SPAG9: variants seen among roughly 807,000 people sequenced by gnomAD.
SPAG9 encodes the protein sperm associated antigen 9.
In SPAG9, 35 loss-of-function variants were observed where a neutral mutation model predicts 166.5. The ratio of observed to expected loss-of-function variants is 0.21; its 90% CI spans 0.16 to 0.28. The LOEUF (loss-of-function observed/expected upper bound fraction) is 0.28, where lower values mean the gene tolerates loss of function less well. SPAG9 is among the 10% of genes least tolerant of loss of function. SPAG9 has a pLI of 1.00. For synonymous variants in SPAG9, 534 were observed against 565.5 expected (o/e 0.94, Z 0.79); for missense variants, 1,235 against 1,603.3 (o/e 0.77, Z 3.92).
chr17:51,060,504 TTAAAA>T (rs1279274244), intron 2 of SPAG9, among the ~76,000 whole-genome samples: 1 of 138,042 alleles, frequency 7.2e-6, no homozygotes, highest in Non-Finnish European at 1.5e-5. Flanking sequence ...CTTTGTCTTT[TTAAAA>T]AAAAAAAAAA....
At chr17:50,996,742 G>A (rs1489340316) in intron 15 of SPAG9, 48 bp from the exon 16 acceptor site, 19 of 1,588,902 alleles carry the variant, frequency 1.2e-5, no homozygotes, top group East Asian at 2.2e-5. Flanking sequence ...GTTTAATTAC[G>A]TTTATCCCCA....
intron 2 of SPAG9, among the ~76,000 whole-genome samples, chr17:51,074,063 C>T (rs900369900): frequency 2.6e-5 from 4 of 152,070 alleles, no homozygotes; most frequent in Admixed American, 6.6e-5. Flanking sequence ...GGTGAAACCC[C>T]GTCTCTACTA....
At chr17:51,111,726 C>T (rs1028224220) in intron 1 of SPAG9, among the ~76,000 whole-genome samples, 4 of 152,218 alleles carry the variant, frequency 2.6e-5, no homozygotes, top group Admixed American at 1.3e-4. Flanking sequence ...CCTCTGCCTC[C>T]GGAGTAGCTT....
At chr17:51,050,362 T>C (rs746980622) in intron 3 of SPAG9, among the ~76,000 whole-genome samples, 2 of 152,222 alleles carry the variant, frequency 1.3e-5, no homozygotes, top group Non-Finnish European at 2.9e-5. Flanking sequence ...AGCCATTTTT[T>C]CTCCATTTAA....
intron 1 of SPAG9, among the ~76,000 whole-genome samples, chr17:51,080,384 C>A (rs1488066284): frequency 6.6e-6 from 1 of 151,820 alleles, no homozygotes; most frequent in Non-Finnish European, 1.5e-5. Context: ...CCTTTTCTCC[C>A]CAACTTCTTA....
rs768131495 is a variant in SPAG9, at chr17:50,989,794, G to A, written c.2696C>T (p.Ala899Val). ...EEATEATEGNAGSAEDTVDIS... is the reference protein window; with the variant it reads ...EEATEATEGNVGSAEDTVDIS... ...GTCCACTGTGTCTTCAGCTGACCCCGCATTCCCTTCTGTAGCTTCAGTTGC... is the reference window on the plus strand; with the variant it reads ...GTCCACTGTGTCTTCAGCTGACCCCACATTCCCTTCTGTAGCTTCAGTTGC... The change falls in exon 21 of 30, where the codon GCG (alanine) becomes GTG (valine). Residue 899 changes from alanine (A) to valine (V), a missense_variant. Around this residue, in one of 6 missense-constraint regions of SPAG9, gnomAD observed 493 missense variants for 559.4 expected, o/e 0.88. Transcript: ENST00000262013. The A allele has an allele frequency of 1.1e-5, 18 of 1,613,872 alleles. No homozygotes were observed. The highest frequency in any genetic ancestry group is 1.7e-5 in the Admixed American group (1 of 59,978).
At chr17:51,075,463 T>C (rs958528498) in intron 2 of SPAG9, among the ~76,000 whole-genome samples, 5 of 152,124 alleles carry the variant, frequency 3.3e-5, no homozygotes, top group Admixed American at 3.3e-4. Flanking sequence ...TAATTCTTCC[T>C]CTAATCACAG....
At chr17:50,984,241 T>C (rs979322656) in intron 24 of SPAG9, among the ~76,000 whole-genome samples, 2 of 152,174 alleles carry the variant, frequency 1.3e-5, no homozygotes, top group Non-Finnish European at 1.5e-5. Context: ...ATGAAAATGA[T>C]TAAATCTTAC....
chr17:51,074,568 G>T (rs116823075), intron 2 of SPAG9, among the ~76,000 whole-genome samples: 12 of 152,308 alleles, frequency 7.9e-5, no homozygotes, highest in African/African-American at 2.9e-4. Flanking sequence ...ACTCCCAGGG[G>T]AGAAATTCTT....
intron 3 of SPAG9, among the ~76,000 whole-genome samples, chr17:51,047,832 G>C (rs1459547329): frequency 6.6e-6 from 1 of 151,724 alleles, no homozygotes; most frequent in African/African-American, 2.4e-5. Context: ...AAAAATAATA[G>C]ATGGCATTTG....
At chr17:51,044,568 T>C (rs1376526452) in intron 4 of SPAG9, among the ~76,000 whole-genome samples, 1 of 152,218 alleles carries the variant, frequency 6.6e-6, no homozygotes, top group East Asian at 1.9e-4. Flanking sequence ...CTGCTTTATA[T>C]ATAAAGGCAG....
At position 50,964,557 on chromosome 17, in the gene SPAG9, C is replaced by T. The variant is rs1973263751; in HGVS notation, c.*1715G>A. On this transcript the variant is annotated 3_prime_UTR_variant, in exon 30 of 30. Coordinates refer to ENST00000262013, the MANE Select transcript of SPAG9 (RefSeq NM_001130528.3). ...GAGCTGAGATCGCACCACTGCATTC[C>T]AGCCTGGGCAACAGAGCCAGACTCC... The T allele has an allele frequency of 1.3e-5, 3 of 224,620 alleles. No individual in the cohort carries two copies. The highest frequency in any genetic ancestry group is 1.1e-4 in the South Asian group (3 of 27,268). 13.9% of individuals were successfully genotyped at this position (224,620 alleles called of 1,614,324 possible). A position where few individuals can be genotyped will look rare whatever the true frequency, so the allele number is the denominator to read the frequency against.
chr17:50,979,970 T>C (rs1485467169), intron 25 of SPAG9, 53 bp from the exon 26 acceptor site: 1 of 1,556,434 alleles, frequency 6.4e-7, no homozygotes, highest in African/African-American at 1.4e-5. Context: ...GAATTTCATA[T>C]TTAAAACTGT....
chr17:51,061,617 A>C, intron 2 of SPAG9, among the ~76,000 whole-genome samples: 1 of 149,612 alleles, frequency 6.7e-6, no homozygotes, highest in South Asian at 2.1e-4. Context: ...GTCTCCAAAA[A>C]AAAAAAAAAA....
intron 11 of SPAG9, 27 bp from the exon 12 acceptor site, chr17:51,005,290 A>T: frequency 6.2e-7 from 1 of 1,608,948 alleles, no homozygotes; most frequent in Non-Finnish European, 8.5e-7. Flanking sequence ...AAAACAAAAC[A>T]TGTTATTTGA....
intron 2 of SPAG9, among the ~76,000 whole-genome samples, chr17:51,077,029 T>TCTAGCTATCTAG (rs1442787507): frequency 4.6e-5 from 3 of 65,344 alleles, no homozygotes; most frequent in African/African-American, 1.7e-4. Flanking sequence ...TATCTAGCTA[T>TCTAGCTATCTAG]CTATCTAGCT....
intron 1 of SPAG9, among the ~76,000 whole-genome samples, chr17:51,083,960 T>C (rs911128702): frequency 9.2e-5 from 14 of 152,144 alleles, no homozygotes; most frequent in African/African-American, 3.1e-4. Flanking sequence ...AAACATTTCA[T>C]ATTTGTGGGA....
intron 1 of SPAG9, among the ~76,000 whole-genome samples, chr17:51,101,583 A>G (rs1380517172): frequency 6.6e-6 from 1 of 152,108 alleles, no homozygotes; most frequent in East Asian, 1.9e-4. Flanking sequence ...TACATAATTA[A>G]AACTAGAAAT....
At chr17:51,101,733 C>G (rs2048813590) in intron 1 of SPAG9, among the ~76,000 whole-genome samples, 1 of 152,072 alleles carries the variant, frequency 6.6e-6, no homozygotes, top group Non-Finnish European at 1.5e-5. Context: ...AAGCAATTCT[C>G]CTGTCTCAGC....
Sources: gnomAD v4.1 joint callset for allele counts (sites outside exome capture counted in the v4.1 genomes callset) on GRCh38, gnomAD v4.1.1 for gene constraint, gnomAD v4.1.1 regional missense constraint, MANE v1.5 for transcripts, NCBI Gene and HGNC (gene_info 2026-07-23, HGNC 2026-07-21) for gene names.